Variants in ACACA observed in about 807,000 individuals in gnomAD.
ACACA encodes acetyl-CoA carboxylase alpha, also known as acetyl-CoA carboxylase 1.
In ACACA, 103 loss-of-function variants were observed where a neutral mutation model predicts 296.1. That is an observed-to-expected ratio of 0.35 (90% confidence interval 0.30 to 0.41). The LOEUF (loss-of-function observed/expected upper bound fraction) is 0.41, where lower values mean the gene tolerates loss of function less well. Ranked by LOEUF, ACACA falls within the 10% of genes least tolerant of loss-of-function variation. The probability of loss-of-function intolerance (pLI) is 1.00; values close to 1 mark genes in which losing one functional copy is unlikely to be tolerated. For missense variants in ACACA, 1,554 were observed against 2,989.7 expected (o/e 0.52, Z 11.20); for synonymous variants, 953 against 1,038.6 (o/e 0.92, Z 1.58).
chr17:37,275,217 G>A (rs1392137854), intron 8 of ACACA, among the ~76,000 whole-genome samples: 3 of 152,138 alleles, frequency 2.0e-5, no homozygotes, highest in Non-Finnish European at 4.4e-5. Flanking sequence ...AAACATTGGC[G>A]CCAGGCGCGG....
At chr17:37,288,133 G>A (rs1364393590) in intron 3 of ACACA, among the ~76,000 whole-genome samples, 2 of 152,138 alleles carry the variant, frequency 1.3e-5, no homozygotes, top group African/African-American at 4.8e-5. Flanking sequence ...CATATCTAAT[G>A]ATAATAAACA....
chr17:37,118,347 T>TG (rs2074357100), intron 50 of ACACA, among the ~76,000 whole-genome samples: 2 of 152,142 alleles, frequency 1.3e-5, no homozygotes, highest in African/African-American at 4.8e-5. Flanking sequence ...CAGTGATAGT[T>TG]ACACAACACT....
intron 1 of ACACA, among the ~76,000 whole-genome samples, chr17:37,343,480 A>G (rs2048476564): frequency 6.6e-6 from 1 of 151,946 alleles, no homozygotes; most frequent in Non-Finnish European, 1.5e-5. Context: ...AAATGTTTTC[A>G]AAGAGGCCGG....
intron 1 of ACACA, chr17:37,358,949 C>T: frequency 1.0e-6 from 1 of 986,496 alleles, no homozygotes; most frequent in Middle Eastern, 5.2e-4. Flanking sequence ...CCCTTGGCCC[C>T]AGTTTCTCCA....
At position 37,119,513 on chromosome 17, in the gene ACACA, T is replaced by G. The variant is rs1048011231; in HGVS notation, c.6274+1842A>C. Among the ~76,000 whole-genome samples the G allele has an allele frequency of 3.3e-5, 5 of 151,150 alleles. No homozygotes were observed. In the South Asian group the frequency reaches 1.0e-3, roughly 32 times the overall value. On this transcript the variant is annotated intron_variant, in intron 50 of 55. Coordinates refer to ENST00000616317, the MANE Select transcript of ACACA (RefSeq NM_198834.3). ...TACAATCATTAATTTGGATATATAGTCCAAGTCTCCCCCAAGAAAAGTATA... is the reference window on the plus strand; with the variant it reads ...TACAATCATTAATTTGGATATATAGGCCAAGTCTCCCCCAAGAAAAGTATA...
chr17:37,353,013 C>T (rs1226916613), intron 1 of ACACA, among the ~76,000 whole-genome samples: 1 of 152,136 alleles, frequency 6.6e-6, no homozygotes, highest in Non-Finnish European at 1.5e-5. Flanking sequence ...AACTTTCAAA[C>T]GTACATCAGA....
chr17:37,392,315 G>A (rs756551518), intron 1 of ACACA: 3 of 152,354 alleles, frequency 2.0e-5, no homozygotes, highest in Non-Finnish European at 4.4e-5. Flanking sequence ...TAGTACCCAA[G>A]TGAAGTCTTC....
intron 3 of ACACA, 125 bp from the exon 4 acceptor site, chr17:37,285,095 T>A: frequency 1.8e-6 from 2 of 1,085,308 alleles, no homozygotes; most frequent in Non-Finnish European, 1.4e-6. Context: ...GCAGGTCACG[T>A]ACTTTTCAAA....
At chr17:37,099,537 C>T (rs113779984) in intron 52 of ACACA, among the ~76,000 whole-genome samples, 8,116 of 107,978 alleles carry the variant, frequency 0.075, 278 homozygotes, top group Admixed American at 0.12. Context: ...GGGAGGAGGG[C>T]TGATGGCGGG....
intron 4 of ACACA, 151 bp downstream of exon 4, chr17:37,284,687 T>A: frequency 1.1e-6 from 1 of 884,398 alleles, no homozygotes; most frequent in South Asian, 1.4e-5. Flanking sequence ...ATTAATAGGA[T>A]GCTAGGGAGG....
At chr17:37,374,836 C>T (rs1407602078) in intron 1 of ACACA, among the ~76,000 whole-genome samples, 3 of 152,048 alleles carry the variant, frequency 2.0e-5, no homozygotes, top group African/African-American at 7.2e-5. Context: ...TGAAGATGTG[C>T]AAAACTCAAT....
intron 1 of ACACA, among the ~76,000 whole-genome samples, chr17:37,404,448 G>A (rs1285727635): frequency 6.6e-6 from 1 of 151,928 alleles, no homozygotes; most frequent in African/African-American, 2.4e-5. Flanking sequence ...TCAAACTTGG[G>A]CTCAATCCAT....
At chr17:37,280,787 T>A (rs2082483902) in intron 5 of ACACA, among the ~76,000 whole-genome samples, 1 of 150,332 alleles carries the variant, frequency 6.7e-6, no homozygotes, top group African/African-American at 2.5e-5. Context: ...TCATTTAAAA[T>A]GCAAATCCTT....
intron 2 of ACACA, among the ~76,000 whole-genome samples, chr17:37,338,013 C>T (rs998068940): frequency 6.6e-6 from 1 of 151,792 alleles, no homozygotes; most frequent in Non-Finnish European, 1.5e-5. Context: ...AGGAGTATGG[C>T]GTGAACCCAG....
chr17:37,173,997 TATATATATATATATATATATATA>T (rs1444412353), intron 41 of ACACA, among the ~76,000 whole-genome samples: 1,419 of 11,596 alleles, frequency 0.12, 206 homozygotes, highest in African/African-American at 0.35. Context: ...TATATATATA[TATATATATATATATATATATATA>T]TTTTTTTTTT....
intron 26 of ACACA, chr17:37,225,319 T>G (rs1450957935): frequency 1.9e-6 from 1 of 515,372 alleles, no homozygotes; most frequent in Non-Finnish European, 3.5e-6. Flanking sequence ...ATGATTTGCA[T>G]TGTGGCCAAT....
intron 7 of ACACA, among the ~76,000 whole-genome samples, chr17:37,276,797 T>C (rs2082300721): frequency 6.6e-6 from 1 of 151,198 alleles, no homozygotes; most frequent in South Asian, 2.1e-4. Flanking sequence ...CTTCTCCATA[T>C]CTCCATATCT....
intron 5 of ACACA, among the ~76,000 whole-genome samples, chr17:37,282,528 G>T (rs1031228495): frequency 2.0e-5 from 3 of 151,852 alleles, no homozygotes; most frequent in African/African-American, 7.3e-5. Flanking sequence ...TCTTTCTTAG[G>T]AATAATCATA....
intron 1 of ACACA, among the ~76,000 whole-genome samples, chr17:37,363,223 C>T (rs1771809943): frequency 7.1e-6 from 1 of 140,550 alleles, no homozygotes; most frequent in Non-Finnish European, 1.5e-5. Context: ...CGCTCTGTCA[C>T]CCAGGCTGGA....
Sources: gnomAD v4.1 joint callset for allele counts (sites outside exome capture counted in the v4.1 genomes callset) on GRCh38, gnomAD v4.1.1 for gene constraint, MANE v1.5 for transcripts, NCBI Gene and HGNC (gene_info 2026-07-23, HGNC 2026-07-21) for gene names.